The following PSD2 variants were observed in gnomAD, a reference collection of about 807,000 sequenced individuals.
PSD2 encodes PH and SEC7 domain-containing protein 2.
In PSD2, 38 loss-of-function variants were observed where a neutral mutation model predicts 69.8. The ratio of observed to expected loss-of-function variants is 0.54; its 90% CI spans 0.42 to 0.71. The LOEUF is 0.71. Ranked by LOEUF, PSD2 falls within the 30% of genes least tolerant of loss-of-function variation. The probability of loss-of-function intolerance (pLI) is 0.00; values close to 1 mark genes in which losing one functional copy is unlikely to be tolerated. For synonymous variants in PSD2, 412 were observed against 423.0 expected (o/e 0.97, Z 0.32); for missense variants, 943 against 1,014.5 (o/e 0.93, Z 0.96).
Position 139,838,611 on chromosome 5 carries a change from C to T in PSD2, c.1824-17C>T, listed in dbSNP as rs376577992. On this transcript the variant is annotated splice_polypyrimidine_tract_variant and intron_variant, in intron 12 of 14. Transcript: ENST00000274710. ...CCTGTGTGAGAGGCCGGCACCCTCT[C>T]CCCCTCCTGTCCCCAGGAGCAAGGA... 1.4e-4 allele frequency: 219 copies of T among 1,606,718 alleles called. 1 individual carries two copies. The highest frequency in any genetic ancestry group is 1.4e-4 in the Non-Finnish European group (167 of 1,174,240).
At chr5:139,836,101 G>A (rs1183253108) in intron 9 of PSD2, among the ~76,000 whole-genome samples, 1 of 152,242 alleles carries the variant, frequency 6.6e-6, no homozygotes, top group Non-Finnish European at 1.5e-5. Context: ...AGGCAGACAG[G>A]AGGCATGAGG....
chr5:139,809,505 C>T lies in PSD2; in HGVS notation c.65C>T (p.Pro22Leu). The change falls in exon 2 of 15, where the codon CCA becomes CTA. Residue 22 changes from proline (P) to leucine (L), a missense_variant. Transcript: ENST00000274710. ...EEGDATRDPG[P>L]EPEEEPGVRN... The stretch of plus-strand genomic sequence containing the variant: ...GGCGATGCCACCCGTGACCCCGGTC[C>T]AGAGCCTGAAGAGGAGCCAGGGGTC... The T allele has an allele frequency of 6.2e-7, 1 of 1,612,962 alleles. No individual in the cohort carries two copies. The highest frequency in any genetic ancestry group is 8.5e-7 in the Non-Finnish European group (1 of 1,179,536).
the PSD2 span, among the ~76,000 whole-genome samples, chr5:139,757,447 G>T: frequency 6.6e-6 from 1 of 152,146 alleles, no homozygotes; most frequent in Non-Finnish European, 1.5e-5. Flanking sequence ...AGTGTGGATG[G>T]GTGTTTTTAT....
chr5:139,793,015 T>G (rs1015285576), upstream of PSD2, among the ~76,000 whole-genome samples: 1 of 152,022 alleles, frequency 6.6e-6, no homozygotes, highest in East Asian at 1.9e-4. Flanking sequence ...TGGCACGATC[T>G]TGGCTCACTG....
At chr5:139,820,843 T>C (rs772077105) in intron 5 of PSD2, among the ~76,000 whole-genome samples, 6 of 151,876 alleles carry the variant, frequency 4.0e-5, no homozygotes, top group Non-Finnish European at 8.8e-5. Flanking sequence ...GGGTATGAGG[T>C]TGGAGGCAGA....
At chr5:139,775,301 C>CG in the PSD2 span, 1 of 151,990 alleles carries the variant, frequency 6.6e-6, no homozygotes, top group African/African-American at 2.4e-5. Context: ...CGCGCGGGGG[C>CG]GGGCGAGGAC....
intron 5 of PSD2, among the ~76,000 whole-genome samples, chr5:139,818,549 GAAAC>G (rs949331522): frequency 2.0e-5 from 3 of 152,094 alleles, no homozygotes; most frequent in Admixed American, 6.5e-5. Flanking sequence ...CTATCTCAAA[GAAAC>G]AAACAAACAA....
chr5:139,766,800 C>G, the PSD2 span, among the ~76,000 whole-genome samples: 1 of 149,058 alleles, frequency 6.7e-6, no homozygotes, highest in Non-Finnish European at 1.5e-5. Flanking sequence ...ACTGACTGGC[C>G]TGGGTTTGAG....
At chr5:139,809,912 A>C in intron 2 of PSD2, 101 bp downstream of exon 2, 175 of 1,309,522 alleles carry the variant, frequency 1.3e-4, no homozygotes, top group Middle Eastern at 2.4e-4. Flanking sequence ...TGTTTTTCTC[A>C]CACATAAAAT....
intron 2 of PSD2, among the ~76,000 whole-genome samples, chr5:139,811,884 C>T (rs538651336): frequency 9.9e-5 from 15 of 152,166 alleles, no homozygotes; most frequent in South Asian, 2.1e-4. Flanking sequence ...TGAGCCACCG[C>T]GCCTGGCCGT....
At chr5:139,779,259 T>C in the PSD2 span, among the ~76,000 whole-genome samples, 1 of 152,220 alleles carries the variant, frequency 6.6e-6, no homozygotes, top group Non-Finnish European at 1.5e-5. Context: ...ACCCAATTTG[T>C]GGTCTTTTGG....
intron 7 of PSD2, among the ~76,000 whole-genome samples, chr5:139,823,858 G>T (rs1277932573): frequency 6.6e-6 from 1 of 152,224 alleles, no homozygotes; most frequent in African/African-American, 2.4e-5. Context: ...GGGCAAGATT[G>T]TGAAGGCCCA....
chr5:139,760,423 C>T, the PSD2 span, among the ~76,000 whole-genome samples: 1 of 152,164 alleles, frequency 6.6e-6, no homozygotes. Context: ...AGATGCCTGC[C>T]ATTGCCCCTT....
the PSD2 span, among the ~76,000 whole-genome samples, chr5:139,747,701 CA>C: frequency 6.6e-6 from 1 of 152,252 alleles, no homozygotes; most frequent in Non-Finnish European, 1.5e-5. This position sits in a 1 kb window ranked among gnomAD's most constrained non-coding sequence, Gnocchi z 6.7. Flanking sequence ...CTCACGCCGT[CA>C]GACCCAATTT....
At chr5:139,825,552 G>A (rs1760395485) in intron 7 of PSD2, among the ~76,000 whole-genome samples, 1 of 152,150 alleles carries the variant, frequency 6.6e-6, no homozygotes, top group Non-Finnish European at 1.5e-5. Context: ...ACTGACAAGG[G>A]AGACCTTTCA....
At chr5:139,815,202 CCTCCACCCTCCTCAGT>C (rs146819980) in intron 4 of PSD2, among the ~76,000 whole-genome samples, 1,807 of 152,228 alleles carry the variant, frequency 0.012, 36 homozygotes, top group African/African-American at 0.042. Flanking sequence ...TCCACTTCTC[CCTCCACCCTCCTCAGT>C]CTCCACGCTG....
chr5:139,801,921 G>A (rs1167399389), intron 1 of PSD2, among the ~76,000 whole-genome samples: 2 of 152,174 alleles, frequency 1.3e-5, no homozygotes, highest in African/African-American at 4.8e-5. Flanking sequence ...GGATGGGTGG[G>A]TGAGGCTTTA....
At chr5:139,775,577 G>C in the PSD2 span, 2 of 152,398 alleles carry the variant, frequency 1.3e-5, no homozygotes, top group Non-Finnish European at 2.9e-5. Flanking sequence ...GACCAGGCCC[G>C]CCTGACCCCC....
At chr5:139,804,889 A>G (rs1759760380) in intron 1 of PSD2, among the ~76,000 whole-genome samples, 1 of 148,794 alleles carries the variant, frequency 6.7e-6, no homozygotes, top group South Asian at 2.1e-4. Flanking sequence ...GTCTGTGTGC[A>G]TGTGTGTGTG....
Sources: gnomAD v4.1 joint callset for allele counts (sites outside exome capture counted in the v4.1 genomes callset) on GRCh38, gnomAD v4.1.1 for gene constraint, Gnocchi (gnomAD v3.1) non-coding constraint, MANE v1.5 for transcripts, NCBI Gene and HGNC (gene_info 2026-07-23, HGNC 2026-07-21) for gene names.